Variants in SREBF1 observed in about 807,000 individuals in gnomAD.
SREBF1 encodes the protein sterol regulatory element binding transcription factor 1, also known as sterol regulatory element-binding protein 1.
Under a neutral mutation model 100.1 loss-of-function variants are expected in SREBF1, and 45 were observed. That is an observed-to-expected ratio of 0.45 (90% CI 0.35 to 0.58). SREBF1 has a LOEUF of 0.58. Among genes scored for constraint, SREBF1 ranks in the 20% least tolerant of loss-of-function variants. The pLI, the probability that SREBF1 is intolerant of heterozygous loss-of-function variation, is 0.00. For missense variants in SREBF1, 1,324 were observed against 1,539.4 expected, an observed-to-expected ratio of 0.86 and a Z score of 2.34; for synonymous variants, 657 against 681.8, an observed-to-expected ratio of 0.96 and a Z score of 0.57.
rs902729383 is a variant in SREBF1, at chr17:17,824,270, G to A, written c.92-3749C>T. Among the ~76,000 whole-genome samples the A allele has an allele frequency of 2.6e-5, 4 of 152,214 alleles. No homozygotes were observed. The highest frequency in any genetic ancestry group is 9.6e-5 in the African/African-American group (4 of 41,462). On this transcript the variant is annotated intron_variant, in intron 1 of 18. Transcript: ENST00000261646. The surrounding 1 kb of genome is among the most constrained non-coding windows in gnomAD (Gnocchi z 4.2). ...GGAAGGGGCCACCCCTCACCACAGCGGGGCTGATGGTCTGGGATGAGGCCA... is the reference window on the plus strand; with the variant it reads ...GGAAGGGGCCACCCCTCACCACAGCAGGGCTGATGGTCTGGGATGAGGCCA...
rs574958299 is a variant in SREBF1, at chr17:17,811,617, A to T, written c.*1005T>A. 4.7e-6 allele frequency: 2 copies of T among 426,320 alleles called. No individual in the cohort carries two copies. Among genetic ancestry groups the T allele is most frequent in the African/African-American group, 4.2e-5 (2 of 47,204 alleles). The allele number at this position is 426,320 out of a possible 1,614,324, so 26.4% of individuals were successfully genotyped here. A position where few individuals can be genotyped will look rare whatever the true frequency, so the allele number is the denominator to read the frequency against. Reference sequence around the variant, plus strand: ...TCCCCCGCCCCTGTGCCCCCTCTCCAGTGTGGCGGCAGGTCGGGAGGGAGG... The same window carrying T: ...TCCCCCGCCCCTGTGCCCCCTCTCCTGTGTGGCGGCAGGTCGGGAGGGAGG... On this transcript the variant is annotated 3_prime_UTR_variant, in exon 19 of 19. Coordinates refer to ENST00000261646, the MANE Select transcript of SREBF1 (RefSeq NM_004176.5).
chr17:17,834,981 AAAACAAAC>A (rs895966716), intron 1 of SREBF1, among the ~76,000 whole-genome samples: 1 of 152,136 alleles, frequency 6.6e-6, no homozygotes, highest in East Asian at 1.9e-4. Flanking sequence ...GCCACTGCAG[AAAACAAAC>A]AAACAAACAA....
chr17:17,835,141 T>C (rs2035151218), intron 1 of SREBF1, among the ~76,000 whole-genome samples: 1 of 152,118 alleles, frequency 6.6e-6, no homozygotes, highest in Admixed American at 6.5e-5. Context: ...ACAAAGGAAG[T>C]GAGGAGTGTC....
intron 18 of SREBF1, 159 bp downstream of exon 18, chr17:17,813,209 T>C: frequency 7.9e-6 from 6 of 756,474 alleles, no homozygotes; most frequent in Non-Finnish European, 1.4e-5. Flanking sequence ...GCTCAAGCTG[T>C]CCTCCCAACT....
rs1482737981 is a variant in SREBF1 at position 17,824,131 on chromosome 17, G to T, written c.92-3610C>A. Among the ~76,000 whole-genome samples the T allele has an allele frequency of 6.6e-6, 1 of 152,142 alleles. No homozygotes were observed. The highest frequency in any genetic ancestry group is 1.5e-5 in the Non-Finnish European group (1 of 68,050). The stretch of plus-strand genomic sequence containing the variant: ...ATCTCCCTGGCGTCGAATGGTAGAA[G>T]GGAGATAATATGGGTGCAGCACTTA... On this transcript the variant is annotated intron_variant, in intron 1 of 18. Coordinates refer to ENST00000261646, the MANE Select transcript of SREBF1 (RefSeq NM_004176.5). This position sits in a 1 kb window ranked among gnomAD's most constrained non-coding sequence, Gnocchi z 4.2.
chr17:17,821,829 G>A (rs2034124683), intron 1 of SREBF1, among the ~76,000 whole-genome samples: 1 of 152,228 alleles, frequency 6.6e-6, no homozygotes, highest in African/African-American at 2.4e-5. Context: ...AAGGGTGGGG[G>A]CCCATGTCAG....
rs775182965 is a variant in SREBF1 at position 17,814,654 on chromosome 17, G to A, written c.2696C>T (p.Pro899Leu). The change falls in exon 15 of 19, where the codon CCG becomes CTG. Residue 899 changes from proline (P) to leucine (L), a missense_variant. Physicochemically the swap from Pro to Leu is moderately conservative, Grantham distance 98. Transcript: ENST00000261646. ...RDEEAAERLC[P>L]LVEHLPRVLQ... ...CACCCGGGGCAGGTGCTCCACCAGC[G>A]GGCACAGCCGCTCAGCCGCCTCCTC... The A allele has an allele frequency of 9.6e-6, 15 of 1,558,778 alleles. No individual in the cohort carries two copies. The highest frequency in any genetic ancestry group is 1.2e-5 in the Non-Finnish European group (14 of 1,156,780).
rs2033042026 is a variant in SREBF1, at chr17:17,812,807, C to A, written c.3259G>T (p.Ala1087Ser). Residue 1087 changes from alanine to serine, a missense_variant, in exon 19 of 19, where the codon GCG (alanine) becomes TCG (serine). Ala to Ser is a moderately conservative substitution (Grantham distance 99). Transcript: ENST00000261646. The part of the protein sequence containing the change: ...LEPRPTRREH[A>S]EALLLASCYL... ...CAGGAGGCCAGCAGCAAGGCCTCCGCGTGCTCCCGCCGCGTGGGCCGCGGC... is the reference window on the plus strand; with the variant it reads ...CAGGAGGCCAGCAGCAAGGCCTCCGAGTGCTCCCGCCGCGTGGGCCGCGGC... 1 of 1,507,044 alleles carries A rather than the reference C, an allele frequency of 6.6e-7. No homozygotes were observed. The highest frequency in any genetic ancestry group is 8.8e-7 in the Non-Finnish European group (1 of 1,130,864). The allele number at this position is 1,507,044 out of a possible 1,614,324, so 93.4% of individuals were successfully genotyped here.
Position 17,829,789 on chromosome 17 carries a change from G to A in SREBF1, c.91+6938C>T, listed in dbSNP as rs148306367. On this transcript the variant is annotated intron_variant, in intron 1 of 18. Transcript: ENST00000261646. ...CCTCAGCCTCCTGAGTAGCTGGGAC[G>A]ACAGGCACACTCCACCATGCCAAGC... 1.3e-4 allele frequency among the ~76,000 whole-genome samples: 20 copies of A among 152,184 alleles called. No homozygotes were observed. The East Asian group carries it at 2.7e-3, about 21-fold the overall frequency.
At position 17,812,839 on chromosome 17, in the gene SREBF1, T is replaced by C. The variant is rs757377752; in HGVS notation, c.3227A>G (p.Glu1076Gly). Residue 1076 changes from glutamate to glycine, a missense_variant, in exon 19 of 19, where the codon GAG becomes GGG. Physicochemically the swap from Glu to Gly is moderately conservative, Grantham distance 98 (BLOSUM62 -2). Transcript: ENST00000261646. The stretch of plus-strand genomic sequence containing the variant: ...CCGCCGCGTGGGCCGCGGCTCCAGC[T>C]CCGCCACCGCGCCTGCGCACACGAG... ...GPGGKGGAVA[E>G]LEPRPTRREH... 8.8e-5 allele frequency: 129 copies of C among 1,472,336 alleles called. No homozygotes were observed. Among genetic ancestry groups the C allele is most frequent in the South Asian group, 1.1e-4 (8 of 74,966 alleles). 91.2% of individuals were successfully genotyped at this position (1,472,336 alleles called of 1,614,324 possible).
chr17:17,814,085 C>CAG (rs1300522825), intron 16 of SREBF1, among the ~76,000 whole-genome samples, 160 bp downstream of exon 16: 1 of 152,194 alleles, frequency 6.6e-6, no homozygotes, highest in Non-Finnish European at 1.5e-5. Flanking sequence ...CTCCTCTGGA[C>CAG]AGAAGCCTTA....
Position 17,817,220 on chromosome 17 carries a change from G to A in SREBF1, c.1606+36C>T. On this transcript the variant is annotated intron_variant, in intron 8 of 18. Coordinates refer to ENST00000261646, the MANE Select transcript of SREBF1 (RefSeq NM_004176.5). The surrounding 1 kb of genome is among the most constrained non-coding windows in gnomAD (Gnocchi z 6.6). ...ACAAGCCTGGGGGCTCACCCCGAGT[G>A]TCCCTCCCAAAGATGCCCAGGCTGG... The A allele has an allele frequency of 6.2e-7, 1 of 1,609,004 alleles. No homozygotes were observed. Among genetic ancestry groups the A allele is most frequent in the African/African-American group, 1.3e-5 (1 of 74,986 alleles).
At chr17:17,826,891 C>G (rs906125631) in intron 1 of SREBF1, among the ~76,000 whole-genome samples, 2 of 152,206 alleles carry the variant, frequency 1.3e-5, no homozygotes, top group African/African-American at 4.8e-5. Context: ...AGGCCTTGAA[C>G]CCCAAACAAC....
At position 17,831,016 on chromosome 17, in the gene SREBF1, C is replaced by T. The variant is rs2034826793; in HGVS notation, c.91+5711G>A. Among the ~76,000 whole-genome samples, 4 of 141,312 alleles carry T rather than the reference C, an allele frequency of 2.8e-5. No homozygotes were observed. The South Asian group carries it at 8.6e-4, about 30-fold the overall frequency. 92.7% of individuals were successfully genotyped at this position (141,312 alleles called of 152,430 possible). A position where few individuals can be genotyped will look rare whatever the true frequency, so the allele number is the denominator to read the frequency against. On this transcript the variant is annotated intron_variant, in intron 1 of 18. Transcript: ENST00000261646. Reference sequence around the variant, plus strand: ...TGCTGGCAGTGACTCCTGCCTGGAGCTGACCGGGTCACTCAGGATGTTTGT... The same window carrying T: ...TGCTGGCAGTGACTCCTGCCTGGAGTTGACCGGGTCACTCAGGATGTTTGT...
chr17:17,823,746 G>C (rs2034295799), intron 1 of SREBF1: 1 of 270,206 alleles, frequency 3.7e-6, no homozygotes, highest in South Asian at 1.4e-4. Context: ...TGCGGGCCGG[G>C]CATGGGGTGA....
rs1598110729 is a variant in SREBF1, at chr17:17,814,029, C to T, written c.2901+216G>A. 9.1e-6 allele frequency: 6 copies of T among 660,550 alleles called. No individual in the cohort carries two copies. The East Asian group carries it at 1.6e-4, about 18-fold the overall frequency. The allele number at this position is 660,550 out of a possible 1,614,324, so 40.9% of individuals were successfully genotyped here. ...GGATCCTACCACACCATCCACCCCC[C>T]TCCTCCCAGGGATGGGGAAACTGAG... On this transcript the variant is annotated intron_variant, in intron 16 of 18. Transcript: ENST00000261646.
chr17:17,817,955 G>A lies in SREBF1; in HGVS notation c.1184-39C>T, dbSNP rs368324517. The A allele has an allele frequency of 9.3e-5, 147 of 1,586,538 alleles. No individual in the cohort carries two copies. The highest frequency in any genetic ancestry group is 1.1e-4 in the Non-Finnish European group (123 of 1,168,310). The stretch of plus-strand genomic sequence containing the variant: ...GGAACAGAGCCAGGAGTAAAGGCTG[G>A]ATATGTGACCCCAAATCAGAGCCTA... On this transcript the variant is annotated intron_variant, in intron 6 of 18. Transcript: ENST00000261646. This position sits in a 1 kb window ranked among gnomAD's most constrained non-coding sequence, Gnocchi z 6.6.
intron 2 of SREBF1, 113 bp from the exon 3 acceptor site, chr17:17,819,838 T>C: frequency 2.2e-6 from 3 of 1,387,578 alleles, no homozygotes; most frequent in Non-Finnish European, 2.9e-6. Context: ...CCCATGTGGC[T>C]TCCTATGGAC....
At chr17:17,821,365 G>C (rs1301920095) in intron 1 of SREBF1, among the ~76,000 whole-genome samples, 3 of 152,044 alleles carry the variant, frequency 2.0e-5, no homozygotes, top group Non-Finnish European at 2.9e-5. Context: ...TGTGTGAAAC[G>C]GGGGGCACGC....
Sources: gnomAD v4.1 joint callset for allele counts (sites outside exome capture counted in the v4.1 genomes callset) on GRCh38, gnomAD v4.1.1 for gene constraint, Gnocchi (gnomAD v3.1) non-coding constraint, MANE v1.5 for transcripts, NCBI Gene and HGNC (gene_info 2026-07-23, HGNC 2026-07-21) for gene names.